Variants in CFAP61 observed in about 807,000 individuals in gnomAD.
CFAP61 encodes cilia- and flagella-associated protein 61.
CFAP61 carries 107 observed loss-of-function variants against 135.6 expected under a neutral mutation model. The observed-to-expected ratio is 0.79, with a 90% CI of 0.67 to 0.93. The LOEUF (loss-of-function observed/expected upper bound fraction) is 0.93. CFAP61 is among the 40% of genes least tolerant of loss of function. CFAP61 has a pLI of 0.00. For missense variants in CFAP61, 1,507 were observed against 1,556.2 expected (o/e 0.97, Z 0.53); for synonymous variants, 575 against 578.5 (o/e 0.99, Z 0.09).
intron 2 of CFAP61, among the ~76,000 whole-genome samples, chr20:20,065,282 G>A (rs2045156719): frequency 6.6e-6 from 1 of 151,794 alleles, no homozygotes; most frequent in South Asian, 2.1e-4. Flanking sequence ...TACCTAGTAG[G>A]CACTTGGAAC....
intron 13 of CFAP61, among the ~76,000 whole-genome samples, chr20:20,175,192 T>A (rs1209412038): frequency 1.3e-5 from 2 of 152,252 alleles, no homozygotes; most frequent in Non-Finnish European, 2.9e-5. Flanking sequence ...GGGCTGGATG[T>A]ACGGCCACCA....
At chr20:20,086,619 C>T (rs1346439879) in intron 6 of CFAP61, among the ~76,000 whole-genome samples, 1 of 152,100 alleles carries the variant, frequency 6.6e-6, no homozygotes, top group Non-Finnish European at 1.5e-5. Flanking sequence ...GCCCCTTGGG[C>T]ATAAAAATTC....
chr20:20,246,446 G>T (rs981762938), intron 19 of CFAP61, among the ~76,000 whole-genome samples: 15 of 152,234 alleles, frequency 9.9e-5, no homozygotes, highest in Admixed American at 2.0e-4. Context: ...CATCTGCCCT[G>T]TTCCAAACAA....
intron 25 of CFAP61, among the ~76,000 whole-genome samples, chr20:20,306,975 G>A (rs374640596): frequency 3.3e-5 from 5 of 152,056 alleles, no homozygotes; most frequent in African/African-American, 4.8e-5. Context: ...GCAATATTAC[G>A]AATAAAAACT....
At chr20:20,139,225 G>A (rs1050255566) in intron 8 of CFAP61, among the ~76,000 whole-genome samples, 2 of 152,136 alleles carry the variant, frequency 1.3e-5, no homozygotes, top group Non-Finnish European at 2.9e-5. Context: ...GGGACCTAAA[G>A]TCTGACCCAT....
Position 20,075,851 on chromosome 20 carries a change from T to C in CFAP61, c.566+236T>C, listed in dbSNP as rs533149108. ...GCTATAACATTATTCATTGACTCCT[T>C]AGGGGTTTCTGAAAACACACAATCC... On this transcript the variant is annotated intron_variant, in intron 6 of 26. Coordinates refer to ENST00000245957, the MANE Select transcript of CFAP61 (RefSeq NM_015585.4). Among the ~76,000 whole-genome samples the C allele has an allele frequency of 3.9e-5, 6 of 152,288 alleles. No homozygotes were observed. The East Asian group carries it at 1.2e-3, about 29-fold the overall frequency.
intron 8 of CFAP61, among the ~76,000 whole-genome samples, chr20:20,118,965 T>C (rs899396781): frequency 6.6e-6 from 1 of 152,138 alleles, no homozygotes; most frequent in Non-Finnish European, 1.5e-5. Flanking sequence ...TGTAGGTATG[T>C]AACATTGTGC....
chr20:20,327,149 T>A (rs1006898441), intron 25 of CFAP61, among the ~76,000 whole-genome samples: 1 of 152,176 alleles, frequency 6.6e-6, no homozygotes, highest in African/African-American at 2.4e-5. Context: ...TAAGCATATT[T>A]TATTAGATTA....
intron 15 of CFAP61, among the ~76,000 whole-genome samples, chr20:20,192,955 G>C (rs533535009): frequency 6.6e-6 from 1 of 151,988 alleles, no homozygotes; most frequent in Non-Finnish European, 1.5e-5. Context: ...TATTCTACTG[G>C]TCAGACCAGT....
At chr20:20,220,065 G>A (rs573398057) in intron 17 of CFAP61, 223 of 152,496 alleles carry the variant, frequency 1.5e-3, no homozygotes, top group South Asian at 2.9e-3. Context: ...GAAGGGGGCT[G>A]GTTGCCAGGA....
At chr20:20,117,029 TC>T (rs1452986181) in intron 8 of CFAP61, among the ~76,000 whole-genome samples, 1 of 152,154 alleles carries the variant, frequency 6.6e-6, no homozygotes, top group Non-Finnish European at 1.5e-5. Flanking sequence ...GACTTTCCTT[TC>T]CCCGCTTTGT....
intron 9 of CFAP61, among the ~76,000 whole-genome samples, chr20:20,159,073 G>A (rs890745985): frequency 7.2e-5 from 11 of 152,142 alleles, no homozygotes; most frequent in South Asian, 2.1e-4. Context: ...AGAAGAATAG[G>A]AATAATGGAG....
chr20:20,088,317 C>T lies in CFAP61; in HGVS notation c.567-2527C>T, dbSNP rs1170091716. Among the ~76,000 whole-genome samples, 5 of 152,138 alleles carry T rather than the reference C, an allele frequency of 3.3e-5. No homozygotes were observed. In the South Asian group the frequency reaches 1.0e-3, roughly 31 times the overall value. ...GTCCATTCTCACACTACTATAAGGA[C>T]ATACCTGAGACTAGACTATTTATGA... On this transcript the variant is annotated intron_variant, in intron 6 of 26. Transcript: ENST00000245957.
intron 17 of CFAP61, chr20:20,200,800 G>A: frequency 1.0e-6 from 1 of 985,394 alleles, no homozygotes; most frequent in South Asian, 4.7e-5. Context: ...GCTGCAGGAA[G>A]GACATCACCC....
intron 25 of CFAP61, among the ~76,000 whole-genome samples, chr20:20,324,940 T>A (rs1261163972): frequency 6.6e-6 from 1 of 152,246 alleles, no homozygotes; most frequent in Non-Finnish European, 1.5e-5. Context: ...TAAAGACTAG[T>A]AATCCTTATT....
intron 6 of CFAP61, among the ~76,000 whole-genome samples, chr20:20,090,373 C>A (rs2047093887): frequency 6.6e-6 from 1 of 152,120 alleles, no homozygotes; most frequent in Admixed American, 6.5e-5. Context: ...TTGGTTACAT[C>A]TTTATTGTCT....
At chr20:20,314,409 ATC>A (rs35823907) in intron 25 of CFAP61, among the ~76,000 whole-genome samples, 18,515 of 144,298 alleles carry the variant, frequency 0.13, 1,470 homozygotes, top group East Asian at 0.26. Context: ...AAAAAAAAAA[ATC>A]AACATGAGTT....
chr20:20,120,847 C>A (rs1338576802), intron 8 of CFAP61, among the ~76,000 whole-genome samples: 2 of 152,064 alleles, frequency 1.3e-5, no homozygotes, highest in Non-Finnish European at 2.9e-5. Context: ...ATTGTTATAT[C>A]CTGTTGATGG....
chr20:20,073,752 C>T (rs1341180063), intron 3 of CFAP61: 2 of 152,298 alleles, frequency 1.3e-5, no homozygotes, highest in Non-Finnish European at 2.9e-5. Context: ...GAGTTTTCAG[C>T]TCCCAGGTTT....
Sources: gnomAD v4.1 joint callset for allele counts (sites outside exome capture counted in the v4.1 genomes callset) on GRCh38, gnomAD v4.1.1 for gene constraint, MANE v1.5 for transcripts, NCBI Gene and HGNC (gene_info 2026-07-23, HGNC 2026-07-21) for gene names.